FSTL4: variants seen among roughly 807,000 people sequenced by gnomAD.
FSTL4 encodes follistatin like 4, also known as follistatin-related protein 4.
A neutral mutation model predicts 78.2 loss-of-function variants in FSTL4; 28 were observed. That is an observed-to-expected ratio of 0.36 (90% CI 0.27 to 0.49). The LOEUF (loss-of-function observed/expected upper bound fraction) is 0.49. FSTL4 is among the 20% of genes least tolerant of loss of function. FSTL4 has a pLI of 0.98. For missense variants in FSTL4, 922 were observed against 1,084.9 expected (o/e 0.85, Z 2.11); for synonymous variants, 422 against 440.5 (o/e 0.96, Z 0.53).
chr5:133,749,664 G>A, the FSTL4 span, among the ~76,000 whole-genome samples: 3 of 152,212 alleles, frequency 2.0e-5, no homozygotes, highest in Non-Finnish European at 4.4e-5. Context: ...AAGGGATAAA[G>A]CAGGGATTAC....
chr5:133,289,816 T>A (rs1265053351), intron 6 of FSTL4, among the ~76,000 whole-genome samples: 1 of 152,230 alleles, frequency 6.6e-6, no homozygotes, highest in East Asian at 1.9e-4. Flanking sequence ...GGGGGACTTA[T>A]TTCATCTGGC....
the FSTL4 span, among the ~76,000 whole-genome samples, chr5:133,644,854 C>T: frequency 2.3e-4 from 35 of 152,252 alleles, 1 homozygote; most frequent in East Asian, 6.0e-3. Flanking sequence ...CAACTGCTTA[C>T]ACCAGTAGAT....
At chr5:133,605,661 G>A (rs1760961750) in intron 1 of FSTL4, among the ~76,000 whole-genome samples, 1 of 152,134 alleles carries the variant, frequency 6.6e-6, no homozygotes, top group Non-Finnish European at 1.5e-5. Flanking sequence ...TCAAAATTGT[G>A]GGCCTATGGC....
At chr5:133,496,764 G>A (rs1435599595) in intron 3 of FSTL4, among the ~76,000 whole-genome samples, 1 of 152,120 alleles carries the variant, frequency 6.6e-6, no homozygotes, top group Non-Finnish European at 1.5e-5. Context: ...GGTTCTAAGG[G>A]ACGCTCAAAC....
chr5:133,297,409 C>T (rs183862283), intron 6 of FSTL4, among the ~76,000 whole-genome samples: 88 of 152,296 alleles, frequency 5.8e-4, no homozygotes, highest in African/African-American at 2.0e-3. Flanking sequence ...GTGGCCTCAT[C>T]AGATGTGCTG....
chr5:133,659,420 T>C, the FSTL4 span, among the ~76,000 whole-genome samples: 2 of 152,208 alleles, frequency 1.3e-5, no homozygotes, highest in African/African-American at 4.8e-5. Context: ...TATTCTGGCC[T>C]ATTTCTGGTA....
chr5:133,506,870 C>T (rs547600950), intron 3 of FSTL4, among the ~76,000 whole-genome samples: 3 of 152,322 alleles, frequency 2.0e-5, no homozygotes, highest in Non-Finnish European at 2.9e-5. Context: ...ACAAACAGCA[C>T]GTATTTCTGA....
intron 2 of FSTL4, among the ~76,000 whole-genome samples, chr5:133,583,091 C>A (rs1241670566): frequency 6.6e-6 from 1 of 152,232 alleles, no homozygotes; most frequent in East Asian, 1.9e-4. Context: ...AGTACATGAG[C>A]TTGCCTCTGG....
chr5:133,701,998 A>G, the FSTL4 span, among the ~76,000 whole-genome samples: 1 of 152,038 alleles, frequency 6.6e-6, no homozygotes, highest in Non-Finnish European at 1.5e-5. Context: ...ATGAATACCA[A>G]TCTGCTCCCT....
chr5:133,391,119 A>C (rs1281612064), intron 4 of FSTL4, among the ~76,000 whole-genome samples: 2 of 152,178 alleles, frequency 1.3e-5, no homozygotes, highest in Non-Finnish European at 1.5e-5. Context: ...TACAGAGACC[A>C]CGTATTTGAG....
chr5:133,287,635 G>A (rs141817835), intron 6 of FSTL4, among the ~76,000 whole-genome samples: 2,133 of 152,262 alleles, frequency 0.014, 26 homozygotes, highest in Middle Eastern at 0.048. Flanking sequence ...TTGGATGGCT[G>A]TTCTTGGCCT....
chr5:133,427,056 C>A (rs542752527), intron 3 of FSTL4, among the ~76,000 whole-genome samples: 2 of 152,184 alleles, frequency 1.3e-5, no homozygotes, highest in Non-Finnish European at 2.9e-5. Flanking sequence ...ACACTGCCCC[C>A]CAAGACTACC....
intron 6 of FSTL4, among the ~76,000 whole-genome samples, chr5:133,254,343 G>T (rs1752332410): frequency 6.6e-6 from 1 of 152,222 alleles, no homozygotes; most frequent in Non-Finnish European, 1.5e-5. Context: ...AAAAGCATGG[G>T]GGAGCTCTGA....
chr5:133,838,261 T>G, the FSTL4 span, among the ~76,000 whole-genome samples: 422 of 152,352 alleles, frequency 2.8e-3, 2 homozygotes, highest in African/African-American at 9.4e-3. Flanking sequence ...TCCGAAGACT[T>G]CAACTCATTT....
chr5:133,349,293 C>G (rs866003163), intron 4 of FSTL4, among the ~76,000 whole-genome samples: 1,117 of 99,234 alleles, frequency 0.011, 14 homozygotes, highest in African/African-American at 0.036. Flanking sequence ...AAGCCTCTCT[C>G]TCTGTGTGTG....
intron 6 of FSTL4, among the ~76,000 whole-genome samples, chr5:133,282,717 TC>T (rs1753038299): frequency 6.6e-6 from 1 of 152,132 alleles, no homozygotes; most frequent in African/African-American, 2.4e-5. Context: ...GCCTGCTGAC[TC>T]CATCTGGTCA....
chr5:133,497,045 C>A (rs1758380377), intron 3 of FSTL4, among the ~76,000 whole-genome samples: 1 of 152,240 alleles, frequency 6.6e-6, no homozygotes, highest in Non-Finnish European at 1.5e-5. Flanking sequence ...GCTGTTCCTT[C>A]ATGGGTGCCG....
chr5:133,600,421 AGG>A lies in FSTL4; in HGVS notation c.126+3435_126+3436del, dbSNP rs35678803. The stretch of plus-strand genomic sequence containing the variant: ...GTCAAAATGCATCTGTGTAGGATAA[AGG>A]GGGGGGGGATATAACAACATTTCAT... On this transcript the variant is annotated intron_variant, in intron 2 of 15. Coordinates refer to ENST00000265342, the MANE Select transcript of FSTL4 (RefSeq NM_015082.2). 2.0e-4 allele frequency among the ~76,000 whole-genome samples: 30 copies of A among 146,626 alleles called. No individual in the cohort carries two copies. In the East Asian group the frequency reaches 4.3e-3, roughly 21 times the overall value.
chr5:133,460,268 T>C (rs540840940), intron 3 of FSTL4, among the ~76,000 whole-genome samples: 1 of 151,934 alleles, frequency 6.6e-6, no homozygotes, highest in Admixed American at 6.5e-5. Context: ...ACCGAGAACC[T>C]GGACACCCTC....
Sources: gnomAD v4.1 joint callset for allele counts (sites outside exome capture counted in the v4.1 genomes callset) on GRCh38, gnomAD v4.1.1 for gene constraint, MANE v1.5 for transcripts, NCBI Gene and HGNC (gene_info 2026-07-23, HGNC 2026-07-21) for gene names.